Variants in SLC30A8 observed in about 807,000 individuals in gnomAD.
SLC30A8 encodes solute carrier family 30 member 8, also known as proton-coupled zinc antiporter SLC30A8.
Under a neutral mutation model 36.9 loss-of-function variants are expected in SLC30A8, and 27 were observed. That is an observed-to-expected ratio of 0.73 (90% CI 0.54 to 1.01). The LOEUF (loss-of-function observed/expected upper bound fraction) is 1.01. Ranked by LOEUF, SLC30A8 falls within the 50% of genes least tolerant of loss-of-function variation. The pLI is 0.00. For synonymous variants in SLC30A8, 164 were observed against 172.4 expected (o/e 0.95, Z 0.38); for missense variants, 439 against 452.0 (o/e 0.97, Z 0.26).
intron 1 of SLC30A8, among the ~76,000 whole-genome samples, chr8:116,957,722 CT>C (rs1443864418): frequency 7.9e-5 from 12 of 152,224 alleles, no homozygotes; most frequent in African/African-American, 2.9e-4. Flanking sequence ...ATCATTCTTG[CT>C]GAATGGTGAG....
chr8:117,088,089 T>C (rs1275088159), intron 2 of SLC30A8, among the ~76,000 whole-genome samples: 1 of 149,288 alleles, frequency 6.7e-6, no homozygotes, highest in African/African-American at 2.5e-5. Flanking sequence ...AGAGAGAGAA[T>C]GGAGGGAGAG....
intron 6 of SLC30A8, among the ~76,000 whole-genome samples, chr8:117,170,735 G>A (rs1180440710): frequency 1.3e-5 from 2 of 152,116 alleles, no homozygotes; most frequent in Non-Finnish European, 2.9e-5. Context: ...TTTCCAGAGT[G>A]TATATAAAGA....
At chr8:117,166,258 T>C (rs1001961004) in intron 6 of SLC30A8, among the ~76,000 whole-genome samples, 1 of 152,210 alleles carries the variant, frequency 6.6e-6, no homozygotes, top group Non-Finnish European at 1.5e-5. Flanking sequence ...AATTATCATG[T>C]CAATTTAAAA....
intron 3 of SLC30A8, among the ~76,000 whole-genome samples, chr8:117,153,593 A>G (rs1822304111): frequency 6.6e-6 from 1 of 152,190 alleles, no homozygotes; most frequent in South Asian, 2.1e-4. Context: ...TCAATCAACA[A>G]TAATGCAAAA....
rs1321952519 is a variant in SLC30A8, at chr8:117,176,509, T to G, written c.*3828T>G. 6.6e-6 allele frequency: 1 copy of G among 152,414 alleles called. No individual in the cohort carries two copies. The highest frequency in any genetic ancestry group is 1.5e-5 in the Non-Finnish European group (1 of 67,976). The allele number at this position is 152,414 out of a possible 1,614,324, so 9.4% of individuals were successfully genotyped here. A position where few individuals can be genotyped will look rare whatever the true frequency, so the allele number is the denominator to read the frequency against. On this transcript the variant is annotated 3_prime_UTR_variant, in exon 8 of 8. Coordinates refer to ENST00000456015, the MANE Select transcript of SLC30A8 (RefSeq NM_173851.3). The stretch of plus-strand genomic sequence containing the variant: ...ATACACACATCCCAAGCTTTACAAA[T>G]CCTGCCTGGCTTGACAGTGATGAGG...
chr8:116,961,949 T>C (rs1185998552), intron 1 of SLC30A8, among the ~76,000 whole-genome samples: 1 of 151,920 alleles, frequency 6.6e-6, no homozygotes, highest in Non-Finnish European at 1.5e-5. Context: ...CCCAACACCG[T>C]TGCATTAGGG....
chr8:117,053,414 C>T (rs1235717720), intron 2 of SLC30A8, among the ~76,000 whole-genome samples: 2 of 152,146 alleles, frequency 1.3e-5, no homozygotes, highest in Non-Finnish European at 2.9e-5. Context: ...TTCAAGTTTT[C>T]TCTGTGTCTC....
chr8:117,011,383 G>A (rs929848320), intron 1 of SLC30A8, among the ~76,000 whole-genome samples: 1 of 152,122 alleles, frequency 6.6e-6, no homozygotes, highest in African/African-American at 2.4e-5. Flanking sequence ...ATTTTAGTCT[G>A]CCCTCTTATT....
chr8:116,971,027 G>A (rs11778670), intron 1 of SLC30A8, among the ~76,000 whole-genome samples: 3 of 152,122 alleles, frequency 2.0e-5, no homozygotes, highest in Non-Finnish European at 4.4e-5. Flanking sequence ...CCCAGCAGGC[G>A]GAGGTTGCAG....
chr8:116,966,757 G>T, intron 1 of SLC30A8, among the ~76,000 whole-genome samples: 1 of 152,128 alleles, frequency 6.6e-6, no homozygotes, highest in East Asian at 1.9e-4. Context: ...AATAATAGAA[G>T]AAAATTACCA....
At chr8:117,123,223 G>GTTATTAA (rs1820757840) in intron 2 of SLC30A8, among the ~76,000 whole-genome samples, 1 of 151,910 alleles carries the variant, frequency 6.6e-6, no homozygotes, top group African/African-American at 2.4e-5. Flanking sequence ...CGACAGACAG[G>GTTATTAA]ATGTGTCTAC....
At chr8:116,988,471 C>A (rs1388835744) in intron 1 of SLC30A8, among the ~76,000 whole-genome samples, 1 of 152,134 alleles carries the variant, frequency 6.6e-6, no homozygotes, top group African/African-American at 2.4e-5. Flanking sequence ...TTCCCCAAGC[C>A]CTTCTCTCTT....
At chr8:116,951,717 C>T (rs551982774) in intron 1 of SLC30A8, among the ~76,000 whole-genome samples, 1 of 152,108 alleles carries the variant, frequency 6.6e-6, no homozygotes, top group Non-Finnish European at 1.5e-5. Context: ...ATGAATCTAA[C>T]AGTGCAAATT....
At chr8:117,043,409 G>T (rs1817451592) in intron 2 of SLC30A8, among the ~76,000 whole-genome samples, 1 of 152,210 alleles carries the variant, frequency 6.6e-6, no homozygotes, top group African/African-American at 2.4e-5. Context: ...TGCGTGAATA[G>T]AGAGACACCA....
intron 6 of SLC30A8, among the ~76,000 whole-genome samples, chr8:117,166,074 CAAG>C (rs1823041745): frequency 2.0e-5 from 3 of 152,072 alleles, no homozygotes; most frequent in African/African-American, 7.2e-5. Flanking sequence ...TACAGAATGA[CAAG>C]AATATAGTTA....
At chr8:117,126,404 A>G (rs189596203) in intron 2 of SLC30A8, among the ~76,000 whole-genome samples, 11 of 152,122 alleles carry the variant, frequency 7.2e-5, no homozygotes, top group African/African-American at 2.6e-4. Flanking sequence ...CCCATTTTAT[A>G]TGTAAGAAAA....
At position 116,977,423 on chromosome 8, in the gene SLC30A8, G is replaced by A. The variant is rs553911308; in HGVS notation, c.-266+26304G>A. 1.3e-3 allele frequency among the ~76,000 whole-genome samples: 202 copies of A among 151,036 alleles called. 1 individual carries two copies. The highest frequency in any genetic ancestry group is 2.6e-3 in the Admixed American group (39 of 15,172). The stretch of plus-strand genomic sequence containing the variant: ...CTGCCTCCACCTCCCAAAGTATTGG[G>A]ATTACAGGCGTGAGCCACCGTGCCT... On this transcript the variant is annotated intron_variant, in intron 1 of 10. Coordinates refer to the SLC30A8 transcript ENST00000427715.
At chr8:117,060,747 T>A (rs1818003140) in intron 2 of SLC30A8, among the ~76,000 whole-genome samples, 1 of 152,162 alleles carries the variant, frequency 6.6e-6, no homozygotes, top group Non-Finnish European at 1.5e-5. Flanking sequence ...TGCCAAAAAC[T>A]GGGGAAGGAA....
At chr8:116,986,277 T>C (rs201691831) in intron 1 of SLC30A8, among the ~76,000 whole-genome samples, 1 of 152,034 alleles carries the variant, frequency 6.6e-6, no homozygotes, top group East Asian at 1.9e-4. Flanking sequence ...GCCTGAGCAC[T>C]GGGGACATAA....
Sources: allele counts gnomAD v4.1 joint callset (sites outside exome capture counted in the v4.1 genomes callset), GRCh38; gene constraint gnomAD v4.1.1; transcripts MANE v1.5; gene names NCBI Gene and HGNC (gene_info 2026-07-23, HGNC 2026-07-21).